ERBB4: variants seen among roughly 807,000 people sequenced by gnomAD.
The protein encoded by ERBB4 is receptor tyrosine-protein kinase erbB-4.
Under a neutral mutation model 158.0 loss-of-function variants are expected in ERBB4, and 42 were observed. The observed-to-expected ratio is 0.27, with a 90% CI of 0.21 to 0.34. The LOEUF is 0.34. Among genes scored for constraint, ERBB4 ranks in the 10% least tolerant of loss-of-function variants. The pLI is 1.00. For missense variants in ERBB4, 1,333 were observed against 1,624.1 expected, an observed-to-expected ratio of 0.82 and a Z score of 3.08; for synonymous variants, 583 against 558.7, an observed-to-expected ratio of 1.04 and a Z score of -0.61.
chr2:211,636,734 T>A, intron 16 of ERBB4, among the ~76,000 whole-genome samples: 1 of 151,774 alleles, frequency 6.6e-6, no homozygotes, highest in East Asian at 1.9e-4. Flanking sequence ...AAAATGTGTA[T>A]GTTGGGGTAT....
At chr2:212,293,414 T>C (rs376533037) in intron 1 of ERBB4, among the ~76,000 whole-genome samples, 2 of 151,886 alleles carry the variant, frequency 1.3e-5, no homozygotes. Context: ...AATAGAAAAA[T>C]AGCTCCAAAT....
At chr2:212,304,872 A>G (rs1029757031) in intron 1 of ERBB4, among the ~76,000 whole-genome samples, 2 of 151,536 alleles carry the variant, frequency 1.3e-5, no homozygotes, top group South Asian at 2.1e-4. Context: ...ATTAGAATCC[A>G]TAACAATTCT....
At chr2:211,559,314 A>G (rs2067322868) in intron 20 of ERBB4, among the ~76,000 whole-genome samples, 1 of 152,204 alleles carries the variant, frequency 6.6e-6, no homozygotes, top group African/African-American at 2.4e-5. Flanking sequence ...TGCATGATCT[A>G]TTTAGAATAT....
At chr2:211,428,319 C>A in intron 22 of ERBB4, 89 bp downstream of exon 22, 1 of 794,192 alleles carries the variant, frequency 1.3e-6, no homozygotes, top group South Asian at 1.4e-5. Context: ...TATAACACAA[C>A]AAAATAATTT....
chr2:211,520,803 C>A (rs2066165966), intron 20 of ERBB4, among the ~76,000 whole-genome samples: 1 of 152,108 alleles, frequency 6.6e-6, no homozygotes, highest in African/African-American at 2.4e-5. Flanking sequence ...CTCATTTTGG[C>A]AACTCTTGTA....
At chr2:212,142,215 C>T (rs1297264256) in intron 1 of ERBB4, among the ~76,000 whole-genome samples, 2 of 152,130 alleles carry the variant, frequency 1.3e-5, no homozygotes, top group Non-Finnish European at 2.9e-5. Context: ...TATCACTTAT[C>T]ACCAGCTGCC....
chr2:212,213,016 T>C (rs1014983183), intron 1 of ERBB4, among the ~76,000 whole-genome samples: 1 of 152,080 alleles, frequency 6.6e-6, no homozygotes, highest in Non-Finnish European at 1.5e-5. Context: ...GGGCAAAGAC[T>C]TCATGACAAA....
chr2:211,463,809 T>C (rs1191398451), intron 20 of ERBB4, among the ~76,000 whole-genome samples: 2 of 152,046 alleles, frequency 1.3e-5, no homozygotes, highest in African/African-American at 4.8e-5. Context: ...AACAAAAGTC[T>C]AAGTCTTTTC....
At chr2:211,432,872 C>T (rs919174820) in intron 20 of ERBB4, among the ~76,000 whole-genome samples, 11 of 152,002 alleles carry the variant, frequency 7.2e-5, no homozygotes, top group South Asian at 2.1e-4. Context: ...ATAAAGTGGG[C>T]GGATAGGGAA....
intron 1 of ERBB4, among the ~76,000 whole-genome samples, chr2:212,349,123 A>G (rs2089143041): frequency 6.6e-6 from 1 of 152,168 alleles, no homozygotes; most frequent in African/African-American, 2.4e-5. Context: ...ATGTCACAAA[A>G]TGTCTTCTGA....
intron 2 of ERBB4, among the ~76,000 whole-genome samples, chr2:212,001,810 C>T (rs1417762973): frequency 6.6e-6 from 1 of 152,110 alleles, no homozygotes; most frequent in East Asian, 1.9e-4. Context: ...ATTGCTTTAT[C>T]CCCAAATTAT....
chr2:211,845,862 C>T (rs1386925481), intron 3 of ERBB4, among the ~76,000 whole-genome samples: 1 of 152,032 alleles, frequency 6.6e-6, no homozygotes, highest in Non-Finnish European at 1.5e-5. Context: ...ATTTGCTAGC[C>T]CTTTTGTTGT....
At chr2:211,397,998 A>G (rs1338910895) in intron 25 of ERBB4, among the ~76,000 whole-genome samples, 2 of 152,132 alleles carry the variant, frequency 1.3e-5, no homozygotes, top group African/African-American at 4.8e-5. Context: ...ACCACGTCAT[A>G]CCCATATAAC....
At chr2:211,831,235 T>G (rs1353520958) in intron 3 of ERBB4, among the ~76,000 whole-genome samples, 2 of 152,146 alleles carry the variant, frequency 1.3e-5, no homozygotes, top group Non-Finnish European at 2.9e-5. Context: ...CAGAGTTAAG[T>G]GGCTACTGGG....
intron 20 of ERBB4, among the ~76,000 whole-genome samples, chr2:211,444,239 TA>T (rs5838263): frequency 0.79 from 120,544 of 151,806 alleles, 48,170 homozygotes; most frequent in African/African-American, 0.88. Flanking sequence ...TAGGAAGAAT[TA>T]AAAAAATCAC....
intron 24 of ERBB4, among the ~76,000 whole-genome samples, chr2:211,421,800 G>A (rs1574459498): frequency 6.6e-6 from 1 of 152,032 alleles, no homozygotes; most frequent in Middle Eastern, 3.4e-3. Flanking sequence ...CAGTAGCAGA[G>A]CCACTTGAAT....
intron 1 of ERBB4, among the ~76,000 whole-genome samples, chr2:212,383,921 C>T (rs1342831829): frequency 6.6e-6 from 1 of 151,588 alleles, no homozygotes; most frequent in Non-Finnish European, 1.5e-5. Flanking sequence ...ACTCTGAACA[C>T]AGTGCATTAC....
chr2:212,173,349 GAAGT>G (rs1428552366), intron 1 of ERBB4, among the ~76,000 whole-genome samples: 2 of 152,118 alleles, frequency 1.3e-5, no homozygotes, highest in Non-Finnish European at 2.9e-5. Context: ...GAAACAGAAA[GAAGT>G]AAGCCCTGCA....
chr2:211,477,065 A>G (rs1376270622), intron 20 of ERBB4, among the ~76,000 whole-genome samples: 1 of 152,112 alleles, frequency 6.6e-6, no homozygotes, highest in African/African-American at 2.4e-5. Context: ...TAACATTTAA[A>G]TTGGTAGACT....
Sources: allele counts gnomAD v4.1 joint callset (sites outside exome capture counted in the v4.1 genomes callset), GRCh38; gene constraint gnomAD v4.1.1; transcripts MANE v1.5; gene names NCBI Gene and HGNC (gene_info 2026-07-23, HGNC 2026-07-21).